Variants in MTTP observed in about 807,000 individuals in gnomAD.
The protein encoded by MTTP is microsomal triglyceride transfer protein, also known as microsomal triglyceride transfer protein large subunit.
Under a neutral mutation model 90.6 loss-of-function variants are expected in MTTP, and 49 were observed. That is an observed-to-expected ratio of 0.54 (90% CI 0.43 to 0.69). MTTP has a LOEUF of 0.69. Among genes scored for constraint, MTTP ranks in the 30% least tolerant of loss-of-function variants. MTTP has a pLI of 0.00. For synonymous variants in MTTP, 347 were observed against 384.2 expected, an observed-to-expected ratio of 0.90 and a Z score of 1.13; for missense variants, 945 against 1,067.5, an observed-to-expected ratio of 0.89 and a Z score of 1.60.
chr4:99,591,882 G>T, intron 6 of MTTP, 92 bp downstream of exon 6: 2 of 1,159,098 alleles, frequency 1.7e-6, no homozygotes, highest in African/African-American at 1.5e-5. Flanking sequence ...GTGTGTGTGT[G>T]TGTGTGCGCG....
At chr4:99,600,795 T>C in intron 9 of MTTP, 62 bp downstream of exon 9, 2 of 1,513,722 alleles carry the variant, frequency 1.3e-6, no homozygotes, top group Non-Finnish European at 9.1e-7. Flanking sequence ...ATATTAACAG[T>C]AATTAAAAGT....
At position 99,622,760 on chromosome 4, in the gene MTTP, G is replaced by A; in HGVS notation, c.2597G>A (p.Cys866Tyr). Residue 866 changes from cysteine (C) to tyrosine (Y), a missense_variant, in exon 18 of 18, where the codon TGT (cysteine) becomes TAT (tyrosine). Cys to Tyr is a radical substitution (Grantham distance 194). Coordinates refer to ENST00000265517, the MANE Select transcript of MTTP (RefSeq NM_001386140.1). The part of the protein sequence containing the change: ...QKRKESVLAG[C>Y]EFPLHQENSE... ...AGAAAAGAAAGCGTATTAGCAGGAT[G>A]TGAATTCCCGCTCCATCAAGAGAAC... 2.5e-6 allele frequency: 4 copies of A among 1,614,036 alleles called. No homozygotes were observed. The highest frequency in any genetic ancestry group is 3.4e-6 in the Non-Finnish European group (4 of 1,179,914).
At chr4:99,573,933 TG>T (rs1424671187), upstream of MTTP, among the ~76,000 whole-genome samples, 4 of 152,226 alleles carry the variant, frequency 2.6e-5, no homozygotes, top group African/African-American at 9.6e-5. Context: ...TAGTAGGTTT[TG>T]TTCATATCAG....
chr4:99,618,978 T>A lies in MTTP; in HGVS notation c.2222T>A (p.Leu741His). The change falls in exon 16 of 18, where the codon CTT (leucine) becomes CAT (histidine). Residue 741 changes from leucine (L) to histidine (H), a missense_variant. Transcript: ENST00000265517. ...TATTATGCTTTTTTCTTCTAGGAAC[T>A]TCAGTTACAATCTGGACTAAAAGCC... ...LILLIDHSQE[L>H]QLQSGLKANI... 1.2e-6 allele frequency: 2 copies of A among 1,611,982 alleles called. No individual in the cohort carries two copies. Among genetic ancestry groups the A allele is most frequent in the Non-Finnish European group, 1.7e-6 (2 of 1,178,164 alleles).
At chr4:99,603,808 A>G (rs1297452995) in intron 10 of MTTP, among the ~76,000 whole-genome samples, 1 of 152,140 alleles carries the variant, frequency 6.6e-6, no homozygotes, top group African/African-American at 2.4e-5. Context: ...TCAGAAATAG[A>G]GAGTGGCTGA....
intron 10 of MTTP, among the ~76,000 whole-genome samples, chr4:99,603,172 T>A (rs1313695160): frequency 6.6e-6 from 1 of 151,990 alleles, no homozygotes; most frequent in Non-Finnish European, 1.5e-5. Flanking sequence ...TTGGGAACAG[T>A]GAGAAATTCT....
chr4:99,601,321 C>CTTT (rs34811849), intron 9 of MTTP, among the ~76,000 whole-genome samples: 121 of 128,168 alleles, frequency 9.4e-4, no homozygotes, highest in African/African-American at 3.2e-3. Context: ...CTCACCCCTC[C>CTTT]TTTTTTTTTT....
intron 3 of MTTP, among the ~76,000 whole-genome samples, chr4:99,587,913 G>A (rs920803030): frequency 6.6e-6 from 1 of 152,158 alleles, no homozygotes; most frequent in Non-Finnish European, 1.5e-5. Flanking sequence ...GATATTGCCA[G>A]TGATTTGTTT....
Position 99,601,666 on chromosome 4 carries a change from T to C in MTTP, c.1296T>C (p.Thr432=), listed in dbSNP as rs1275285759. 1.9e-6 allele frequency: 3 copies of C among 1,613,156 alleles called. No individual in the cohort carries two copies. Among genetic ancestry groups the C allele is most frequent in the Middle Eastern group, 1.7e-4 (1 of 6,054 alleles). Residue 432 remains threonine (T), a synonymous_variant, in exon 10 of 18, where the codon ACT becomes ACC. Transcript: ENST00000265517. ...TCAGAGAAACTGTTATGATCATCAC[T>C]GGGACACTTGTCAGAAAGTTGTGTC... ...SDIRETVMII[T]GTLVRKLCQN... is the part of the protein sequence containing the mutation.
chr4:99,568,037 G>T (rs1024909043), intron 1 of MTTP, among the ~76,000 whole-genome samples: 10 of 151,796 alleles, frequency 6.6e-5, no homozygotes, highest in Non-Finnish European at 8.8e-5. Context: ...TTAAATAATA[G>T]AAAATATTAG....
chr4:99,600,832 A>G (rs1172396627), intron 9 of MTTP, 99 bp downstream of exon 9: 6 of 1,145,914 alleles, frequency 5.2e-6, no homozygotes, highest in Admixed American at 4.4e-5. Flanking sequence ...AAGGCTATCA[A>G]CTAGAGACTT....
chr4:99,621,281 G>A (rs2110238436), intron 17 of MTTP, 50 bp downstream of exon 17: 1 of 1,584,586 alleles, frequency 6.3e-7, no homozygotes, highest in South Asian at 1.1e-5. Context: ...CAGTGCACCA[G>A]GAACTTGCAT....
intron 1 of MTTP, among the ~76,000 whole-genome samples, chr4:99,579,245 C>G (rs952099276): frequency 1.3e-5 from 2 of 152,206 alleles, no homozygotes; most frequent in Non-Finnish European, 2.9e-5. Flanking sequence ...TGTGACTTCA[C>G]TACCCAAAAT....
At chr4:99,570,771 A>C (rs1399436005), upstream of MTTP, 2 of 455,648 alleles carry the variant, frequency 4.4e-6, no homozygotes, top group Admixed American at 4.7e-5. Flanking sequence ...GAGTGATATG[A>C]AGTAAAAAGG....
rs565247745 is a variant in MTTP, at chr4:99,608,622, T to G, written c.1558-144T>G. ...GGCGTATTAGCCAGAACTAGTCACG[T>G]GGCCCCCACCAAATCACAAAGGAAT... On this transcript the variant is annotated intron_variant, in intron 11 of 17. Transcript: ENST00000265517. 58 of 721,162 alleles carry G rather than the reference T, an allele frequency of 8.0e-5. No individual in the cohort carries two copies. In the African/African-American group the frequency reaches 9.6e-4, roughly 12 times the overall value. 44.7% of individuals were successfully genotyped at this position (721,162 alleles called of 1,614,324 possible). A position where few individuals can be genotyped will look rare whatever the true frequency, so the allele number is the denominator to read the frequency against.
intron 1 of MTTP, among the ~76,000 whole-genome samples, chr4:99,569,567 T>C (rs1355394756): frequency 6.6e-6 from 1 of 152,128 alleles, no homozygotes; most frequent in Admixed American, 6.5e-5. Flanking sequence ...CTAAAACTGT[T>C]ATAAACAATA....
intron 10 of MTTP, among the ~76,000 whole-genome samples, chr4:99,604,509 A>G (rs1725768417): frequency 6.6e-6 from 1 of 152,204 alleles, no homozygotes. Flanking sequence ...ATCTAGATTC[A>G]TCAGTTGTTA....
chr4:99,574,659 A>C, upstream of MTTP: 1 of 756,370 alleles, frequency 1.3e-6, no homozygotes, highest in South Asian at 1.6e-5. Flanking sequence ...AAGTTTCCTC[A>C]TTGGGTGAAA....
chr4:99,617,416 G>T (rs182826047), intron 15 of MTTP, among the ~76,000 whole-genome samples: 1 of 152,168 alleles, frequency 6.6e-6, no homozygotes, highest in East Asian at 1.9e-4. Flanking sequence ...GGTTTCCTGT[G>T]ACCTTTTTTT....
Sources: gnomAD v4.1 joint callset for allele counts (sites outside exome capture counted in the v4.1 genomes callset) on GRCh38, gnomAD v4.1.1 for gene constraint, MANE v1.5 for transcripts, NCBI Gene and HGNC (gene_info 2026-07-23, HGNC 2026-07-21) for gene names.